The following FOXO1 variants were observed in gnomAD, a reference collection of about 807,000 sequenced individuals.
FOXO1 encodes forkhead box O1, also known as forkhead box protein O1.
A neutral mutation model predicts 44.1 loss-of-function variants in FOXO1; 6 were observed. The observed-to-expected ratio is 0.14, with a 90% CI of 0.07 to 0.27. The LOEUF (loss-of-function observed/expected upper bound fraction) is 0.27, where lower values mean the gene tolerates loss of function less well. Among genes scored for constraint, FOXO1 ranks in the 10% least tolerant of loss-of-function variants. The probability of loss-of-function intolerance (pLI) is 1.00; values close to 1 mark genes in which losing one functional copy is unlikely to be tolerated. For missense variants in FOXO1, 737 were observed against 888.8 expected, an observed-to-expected ratio of 0.83 and a Z score of 2.17; for synonymous variants, 380 against 362.7, an observed-to-expected ratio of 1.05 and a Z score of -0.54.
chr13:40,647,869 T>G (rs1478865159), intron 1 of FOXO1, among the ~76,000 whole-genome samples: 1 of 152,204 alleles, frequency 6.6e-6, no homozygotes, highest in African/African-American at 2.4e-5. Flanking sequence ...CCTGAGACCC[T>G]GACAAAACGC....
At chr13:40,661,120 T>C (rs1424111357) in intron 1 of FOXO1, among the ~76,000 whole-genome samples, 2 of 152,248 alleles carry the variant, frequency 1.3e-5, no homozygotes, top group African/African-American at 2.4e-5. Flanking sequence ...GCATCTATTT[T>C]GGAATTTCTG....
intron 1 of FOXO1, among the ~76,000 whole-genome samples, chr13:40,641,908 C>T (rs1204587640): frequency 1.3e-5 from 2 of 152,116 alleles, no homozygotes; most frequent in Non-Finnish European, 2.9e-5. Context: ...ACCACTTGAA[C>T]CTAGGAGGCA....
intron 1 of FOXO1, among the ~76,000 whole-genome samples, chr13:40,582,656 GAAGC>G (rs1164871651): frequency 3.9e-5 from 6 of 152,176 alleles, no homozygotes; most frequent in Non-Finnish European, 7.4e-5. Context: ...TCATCCGTAA[GAAGC>G]AAGTCCTCAT....
At chr13:40,606,647 T>C (rs936320070) in intron 1 of FOXO1, among the ~76,000 whole-genome samples, 1 of 152,140 alleles carries the variant, frequency 6.6e-6, no homozygotes, top group Admixed American at 6.5e-5. Flanking sequence ...GCACAGCATG[T>C]TATTTTCTAT....
In FOXO1 at chr13:40,560,223, T is replaced by G; in HGVS notation, c.1268A>C (p.Lys423Thr). ...CATGCTGGATTGGCCATATGTATAT[T>G]TTTGGTAGTTTGGGCTGGGTGAATT... ...SLNSPSPNYQ[K>T]YTYGQSSMSP... The change falls in exon 2 of 3, where the codon AAA (lysine) becomes ACA (threonine). Residue 423 changes from lysine (K) to threonine (T), a missense_variant. By Grantham distance (78) the Lys-to-Thr change is moderately conservative (BLOSUM62 -1). Around this residue, in one of 7 missense-constraint regions of FOXO1, gnomAD observed 283 missense variants for 278.1 expected, o/e 1.02. Transcript: ENST00000379561. The surrounding 1 kb of genome is among the most constrained non-coding windows in gnomAD (Gnocchi z 5.1). 6.2e-7 allele frequency: 1 copy of G among 1,614,102 alleles called. No individual in the cohort carries two copies. Among genetic ancestry groups the G allele is most frequent in the Admixed American group, 1.7e-5 (1 of 60,012 alleles).
chr13:40,568,757 A>AC (rs1566063598), intron 1 of FOXO1, among the ~76,000 whole-genome samples: 1 of 151,710 alleles, frequency 6.6e-6, no homozygotes, highest in Non-Finnish European at 1.5e-5. Context: ...CCCCACTGCT[A>AC]CCCCCACTGT....
rs1331053083 is a variant in FOXO1 at position 40,555,755 on chromosome 13, ACCAAG to A, written c.*3289_*3293del. 6.5e-6 allele frequency: 1 copy of A among 152,694 alleles called. No homozygotes were observed. Among genetic ancestry groups the A allele is most frequent in the African/African-American group, 2.4e-5 (1 of 41,470 alleles). The allele number at this position is 152,694 out of a possible 1,614,324, so 9.5% of individuals were successfully genotyped here. ...TTCTGCATAATTAGAAAAGAAAGACACCAAGCCATTTAAACATAATTTATGTACAT... is the reference window on the plus strand; with the variant it reads ...TTCTGCATAATTAGAAAAGAAAGACACCATTTAAACATAATTTATGTACAT... On this transcript the variant is annotated 3_prime_UTR_variant, in exon 3 of 3. Coordinates refer to ENST00000379561, the MANE Select transcript of FOXO1 (RefSeq NM_002015.4).
intron 1 of FOXO1, among the ~76,000 whole-genome samples, chr13:40,569,927 C>T (rs1874415229): frequency 6.6e-6 from 1 of 151,864 alleles, no homozygotes. Context: ...CAAATTATAT[C>T]CAGGATGGTG....
chr13:40,639,454 G>T (rs188230641), intron 1 of FOXO1, among the ~76,000 whole-genome samples: 4 of 152,342 alleles, frequency 2.6e-5, no homozygotes, highest in Admixed American at 2.6e-4. Flanking sequence ...AACTAAGTTA[G>T]GAATTCTCTC....
chr13:40,625,932 G>A (rs1015014701), intron 1 of FOXO1, among the ~76,000 whole-genome samples: 2 of 152,102 alleles, frequency 1.3e-5, no homozygotes, highest in Non-Finnish European at 2.9e-5. Flanking sequence ...CCAGGTCCCT[G>A]ACCAGGGACC....
rs977833670 is a variant in FOXO1 at position 40,653,877 on chromosome 13, A to G, written c.630+11706T>C. Among the ~76,000 whole-genome samples the G allele has an allele frequency of 7.9e-5, 12 of 152,196 alleles. No individual in the cohort carries two copies. In the East Asian group the frequency reaches 1.5e-3, roughly 20 times the overall value. Reference sequence around the variant, plus strand: ...AAACAGAAACACATATTTTCCCTCAACATGGATGCTTTATCATATCTCTAA... The same window carrying G: ...AAACAGAAACACATATTTTCCCTCAGCATGGATGCTTTATCATATCTCTAA... On this transcript the variant is annotated intron_variant, in intron 1 of 2. Coordinates refer to ENST00000379561, the MANE Select transcript of FOXO1 (RefSeq NM_002015.4).
At chr13:40,610,647 C>A (rs1257619334) in intron 1 of FOXO1, among the ~76,000 whole-genome samples, 1 of 152,170 alleles carries the variant, frequency 6.6e-6, no homozygotes, top group Non-Finnish European at 1.5e-5. Context: ...ATAACTAAGT[C>A]ATTCTGCCTT....
intron 1 of FOXO1, among the ~76,000 whole-genome samples, chr13:40,605,800 G>A (rs1875974702): frequency 6.6e-6 from 1 of 152,112 alleles, no homozygotes. Context: ...AACCTGCTTG[G>A]AGGTGTGGAA....
intron 1 of FOXO1, among the ~76,000 whole-genome samples, chr13:40,572,435 A>C (rs1361206924): frequency 6.6e-6 from 1 of 152,146 alleles, no homozygotes; most frequent in Non-Finnish European, 1.5e-5. Context: ...AGATATGATA[A>C]TCCAGATTAC....
intron 1 of FOXO1, among the ~76,000 whole-genome samples, chr13:40,617,044 A>C (rs751743920): frequency 6.6e-6 from 1 of 152,252 alleles, no homozygotes; most frequent in Non-Finnish European, 1.5e-5. Context: ...GAAATAACTG[A>C]ACAGATATGT....
At chr13:40,573,904 T>C (rs944290365) in intron 1 of FOXO1, among the ~76,000 whole-genome samples, 1 of 152,224 alleles carries the variant, frequency 6.6e-6, no homozygotes, top group African/African-American at 2.4e-5. Flanking sequence ...AAATGAACCA[T>C]TTTTTAGGAT....
chr13:40,559,406 C>T (rs1873887120), intron 2 of FOXO1, 103 bp downstream of exon 2: 1 of 1,022,322 alleles, frequency 9.8e-7, no homozygotes, highest in Non-Finnish European at 1.4e-6. Flanking sequence ...CTGCAAGGGA[C>T]AGTCAGTTGA....
intron 1 of FOXO1, among the ~76,000 whole-genome samples, chr13:40,646,290 AC>A (rs1274321525): frequency 3.8e-5 from 5 of 131,604 alleles, no homozygotes; most frequent in Admixed American, 1.6e-4. Flanking sequence ...GACTTCTGTG[AC>A]CTTTTTTTTT....
chr13:40,619,286 CTCCAT>C (rs1341123629), intron 1 of FOXO1: 1 of 406,898 alleles, frequency 2.5e-6, no homozygotes, highest in Admixed American at 3.7e-5. Context: ...AAGAGTGAAA[CTCCAT>C]CTCAAAAAAA....
Sources: gnomAD v4.1 joint callset for allele counts (sites outside exome capture counted in the v4.1 genomes callset) on GRCh38, gnomAD v4.1.1 for gene constraint, gnomAD v4.1.1 regional missense constraint, Gnocchi (gnomAD v3.1) non-coding constraint, MANE v1.5 for transcripts, NCBI Gene and HGNC (gene_info 2026-07-23, HGNC 2026-07-21) for gene names.